Variants in LOXL4 observed in about 807,000 individuals in gnomAD.
LOXL4 encodes the protein lysyl oxidase homolog 4.
LOXL4 carries 72 observed loss-of-function variants against 89.1 expected under a neutral mutation model. That is an observed-to-expected ratio of 0.81 (90% CI 0.67 to 0.98). The LOEUF is 0.98. Among genes scored for constraint, LOXL4 ranks in the 50% least tolerant of loss-of-function variants. The probability of loss-of-function intolerance (pLI) is 0.00; values close to 1 mark genes in which losing one functional copy is unlikely to be tolerated. For synonymous variants in LOXL4, 355 were observed against 392.1 expected, an observed-to-expected ratio of 0.91 and a Z score of 1.12; for missense variants, 984 against 1,017.5, an observed-to-expected ratio of 0.97 and a Z score of 0.45.
In LOXL4 at chr10:98,251,155, C is replaced by A. The variant is rs762994699; in HGVS notation, c.2110G>T (p.Glu704Ter). Residue 704 changes from glutamate to a stop codon, truncating the protein, a stop_gained, in exon 14 of 15, where the codon GAA (glutamate) becomes TAA (stop). Coordinates refer to ENST00000260702, the MANE Select transcript of LOXL4 (RefSeq NM_032211.7). LOFTEE classifies it high-confidence loss of function. ...TTGGAGAAATCTGACTCTGCCACTT[C>A]ATAGTGGGGGTTCACAATCACCTAG... ...IFQVIVNPHY[E>*]VAESDFSNNM... 6.2e-6 allele frequency: 10 copies of A among 1,613,440 alleles called. No individual in the cohort carries two copies. In the South Asian group the frequency reaches 1.1e-4, roughly 18 times the overall value.
At chr10:98,257,852 C>A (rs1275877796) in intron 7 of LOXL4, 48 bp from the exon 8 acceptor site, 26 of 1,588,668 alleles carry the variant, frequency 1.6e-5, no homozygotes, top group Non-Finnish European at 2.0e-5. Context: ...CTCCGTAACC[C>A]CACACTTGTG....
chr10:98,264,707 TG>T (rs1345030938), intron 1 of LOXL4, among the ~76,000 whole-genome samples: 1 of 152,078 alleles, frequency 6.6e-6, no homozygotes, highest in Non-Finnish European at 1.5e-5. Flanking sequence ...GAGTCTCAGC[TG>T]GTTAGAGCTG....
rs764469159 is a variant in LOXL4 at position 98,261,103 on chromosome 10, G to A, written c.481C>T (p.Leu161Phe). 3 of 1,613,000 alleles carry A rather than the reference G, an allele frequency of 1.9e-6. No individual in the cohort carries two copies. Among genetic ancestry groups the A allele is most frequent in the Middle Eastern group, 1.6e-4 (1 of 6,062 alleles). Reference protein sequence around the residue: ...PQGRRLEEVRLKPILASAKQH... With the variant: ...PQGRRLEEVRFKPILASAKQH... ...TTGGCACTGGCAAGGATGGGCTTGA[G>A]CCGCACCTCCTCCAGCCGCCGGCCC... The change falls in exon 4 of 15, where the codon CTC (leucine) becomes TTC (phenylalanine). Residue 161 changes from leucine to phenylalanine, a missense_variant. Physicochemically the swap from Leu to Phe is conservative, Grantham distance 22 (BLOSUM62 0). Coordinates refer to ENST00000260702, the MANE Select transcript of LOXL4 (RefSeq NM_032211.7).
rs367592797 is a variant in LOXL4 at position 98,252,435 on chromosome 10, G to T, written c.1869C>A (p.Tyr623Ter). 1 of 1,613,852 alleles carries T rather than the reference G, an allele frequency of 6.2e-7. No individual in the cohort carries two copies. The highest frequency in any genetic ancestry group is 1.3e-5 in the African/African-American group (1 of 74,914). The change falls in exon 12 of 15, where the codon TAC becomes TAA. Residue 623 changes from tyrosine to a stop codon, truncating the protein, a stop_gained. Coordinates refer to ENST00000260702, the MANE Select transcript of LOXL4 (RefSeq NM_032211.7). LOFTEE classifies it high-confidence loss of function. ...TGGAGCCATTGAGAGTGAGGAGGTC[G>T]TAGTGGGTGAAGACCTCAATGCTGT... ...HYHSIEVFTHYDLLTLNGSKV... is the reference protein window; with the variant it reads ...HYHSIEVFTH
chr10:98,264,159 T>C (rs1162930380), intron 1 of LOXL4, among the ~76,000 whole-genome samples: 3 of 151,502 alleles, frequency 2.0e-5, no homozygotes, highest in African/African-American at 7.3e-5. Flanking sequence ...ATACACATTT[T>C]TGGAATACTT....
chr10:98,260,891 C>T lies in LOXL4; in HGVS notation c.662+31G>A, dbSNP rs115905511. ...CAGTCCCTGCCCCACAACCCTGCCT[C>T]CTGTGGGGCCTACGCCAGCCGCCCT... On this transcript the variant is annotated intron_variant, in intron 4 of 14. Coordinates refer to ENST00000260702, the MANE Select transcript of LOXL4 (RefSeq NM_032211.7). 5.3e-4 allele frequency: 829 copies of T among 1,575,076 alleles called. 2 individuals carry two copies. The African/African-American group carries it at 0.01, about 19-fold the overall frequency.
chr10:98,259,571 G>T (rs1355160035), intron 4 of LOXL4, 142 bp from the exon 5 acceptor site: 7 of 784,478 alleles, frequency 8.9e-6, no homozygotes, highest in Non-Finnish European at 1.5e-5. Context: ...TCAATGCTGA[G>T]CTTCACAGCA....
In LOXL4 at chr10:98,257,968, CTG is replaced by C. The variant is rs758227695; in HGVS notation, c.1105+11_1105+12del. On this transcript the variant is annotated intron_variant, in intron 7 of 14. Coordinates refer to ENST00000260702, the MANE Select transcript of LOXL4 (RefSeq NM_032211.7). ...TCCAGGCCTTCTAACCCCTCCCAGG[CTG>C]TCTCACTCACCTTGGCCCAGCCGGG... is the stretch of plus-strand genomic sequence containing the variant. 6.8e-6 allele frequency: 11 copies of C among 1,612,902 alleles called. No individual in the cohort carries two copies. In the African/African-American group the frequency reaches 1.3e-4, roughly 20 times the overall value.
chr10:98,258,249 C>T (rs1434028466), intron 6 of LOXL4, 85 bp from the exon 7 acceptor site: 2 of 1,373,630 alleles, frequency 1.5e-6, no homozygotes, highest in East Asian at 5.0e-5. Context: ...CCCAACGGGG[C>T]TCCTTCAAGT....
chr10:98,264,414 A>G (rs537310100), intron 1 of LOXL4, among the ~76,000 whole-genome samples: 1 of 149,952 alleles, frequency 6.7e-6, no homozygotes, highest in East Asian at 2.0e-4. Flanking sequence ...TTACCCCCAG[A>G]CCACAGTGTG....
chr10:98,259,093 G>T lies in LOXL4; in HGVS notation c.837C>A (p.Gly279=). ...RGKLRPACPG[G]MHAVVSCVAG... ...CCACACAGCTGACCACAGCGTGCATGCCACCTGGGCAGGCTGGCCGCAGCT... is the reference window on the plus strand; with the variant it reads ...CCACACAGCTGACCACAGCGTGCATTCCACCTGGGCAGGCTGGCCGCAGCT... The change falls in exon 6 of 15, where the codon GGC becomes GGA. Residue 279 remains glycine, a synonymous_variant. Coordinates refer to ENST00000260702, the MANE Select transcript of LOXL4 (RefSeq NM_032211.7). The T allele has an allele frequency of 6.3e-7, 1 of 1,599,632 alleles. No individual in the cohort carries two copies. The highest frequency in any genetic ancestry group is 1.1e-5 in the South Asian group (1 of 89,014).
At chr10:98,250,867 G>T (rs532138259) in intron 14 of LOXL4, among the ~76,000 whole-genome samples, 198 bp downstream of exon 14, 98 of 152,320 alleles carry the variant, frequency 6.4e-4, no homozygotes, top group Admixed American at 7.2e-4. Context: ...TAGTTATTGG[G>T]TGAAGCCGAT....
chr10:98,259,114 C>CA lies in LOXL4; in HGVS notation c.815dup (p.Arg273AlafsTer65), dbSNP rs1858467974. 6.2e-7 allele frequency: 1 copy of CA among 1,608,180 alleles called. No homozygotes were observed. The highest frequency in any genetic ancestry group is 1.1e-5 in the South Asian group (1 of 89,966). Reference sequence around the variant, plus strand: ...GCATGCCACCTGGGCAGGCTGGCCGCAGCTTGCCCCGGGCTGGAGCCACCT... The same window carrying CA: ...GCATGCCACCTGGGCAGGCTGGCCGCAAGCTTGCCCCGGGCTGGAGCCACCT... On this transcript the variant is annotated frameshift_variant, in exon 6 of 15. Coordinates refer to ENST00000260702, the MANE Select transcript of LOXL4 (RefSeq NM_032211.7). LOFTEE classifies it high-confidence loss of function.
intron 11 of LOXL4, 24 bp from the exon 12 acceptor site, chr10:98,252,492 G>T (rs781284045): frequency 1.3e-6 from 2 of 1,535,696 alleles, no homozygotes; most frequent in Non-Finnish European, 1.8e-6. Flanking sequence ...AGAGCTGTCA[G>T]TGCGGCAGCA....
Position 98,257,746 on chromosome 10 carries a change from G to C in LOXL4, c.1164C>G (p.Ser388Arg), listed in dbSNP as rs138979330. Residue 388 changes from serine to arginine, a missense_variant, in exon 8 of 15, where the codon AGC (serine) becomes AGG (arginine). Coordinates refer to ENST00000260702, the MANE Select transcript of LOXL4 (RefSeq NM_032211.7). ...VRCRGYERTL[S>R]DCPALEGSQN... ...GGGACCCTTCCAGGGCAGGGCAGTC[G>C]CTGAGGGTCCGCTCATATCCCCTGC... 1 of 1,614,106 alleles carries C rather than the reference G, an allele frequency of 6.2e-7. No individual in the cohort carries two copies. The highest frequency in any genetic ancestry group is 8.5e-7 in the Non-Finnish European group (1 of 1,179,994).
chr10:98,255,875 A>G lies in LOXL4; in HGVS notation c.1429-136T>C, dbSNP rs558706698. 78 of 999,794 alleles carry G rather than the reference A, an allele frequency of 7.8e-5. 1 individual carries two copies. In the Admixed American group the frequency reaches 2.0e-3, roughly 25 times the overall value. 61.9% of individuals were successfully genotyped at this position (999,794 alleles called of 1,614,324 possible). A position where few individuals can be genotyped will look rare whatever the true frequency, so the allele number is the denominator to read the frequency against. ...GGGCCTGAAAATCTTCAGTGATGAG[A>G]ACCCGAATTCCCTGGGGCAGTCCAT... On this transcript the variant is annotated intron_variant, in intron 9 of 14. Transcript: ENST00000260702.
At chr10:98,249,484 C>T (rs1858127127) in intron 14 of LOXL4, among the ~76,000 whole-genome samples, 1 of 152,260 alleles carries the variant, frequency 6.6e-6, no homozygotes, top group African/African-American at 2.4e-5. Context: ...CTGGCTTGCA[C>T]CTGGCTGCAA....
In LOXL4 at chr10:98,255,756, C is replaced by G; in HGVS notation, c.1429-17G>C. The G allele has an allele frequency of 6.2e-7, 1 of 1,601,512 alleles. No individual in the cohort carries two copies. Among genetic ancestry groups the G allele is most frequent in the Non-Finnish European group, 8.5e-7 (1 of 1,169,810 alleles). Reference sequence around the variant, plus strand: ...CCAGGTTTCCTAAGAAGACAGCCAGCGTCACCCAGTCAGCGTGCCTTTGGA... The same window carrying G: ...CCAGGTTTCCTAAGAAGACAGCCAGGGTCACCCAGTCAGCGTGCCTTTGGA... On this transcript the variant is annotated splice_polypyrimidine_tract_variant and intron_variant, in intron 9 of 14. Coordinates refer to ENST00000260702, the MANE Select transcript of LOXL4 (RefSeq NM_032211.7).
intron 10 of LOXL4, among the ~76,000 whole-genome samples, chr10:98,254,647 G>A (rs1046620321): frequency 1.3e-5 from 2 of 152,236 alleles, no homozygotes; most frequent in East Asian, 1.9e-4. Flanking sequence ...ACTGTGCCAA[G>A]TTGTCGTGAA....
Sources: gnomAD v4.1 joint callset for allele counts (sites outside exome capture counted in the v4.1 genomes callset) on GRCh38, gnomAD v4.1.1 for gene constraint, MANE v1.5 for transcripts, NCBI Gene and HGNC (gene_info 2026-07-23, HGNC 2026-07-21) for gene names.